The following RBM5 variants were observed in gnomAD, a reference collection of about 807,000 sequenced individuals.
The protein encoded by RBM5 is RNA-binding protein 5.
RBM5 carries 15 observed loss-of-function variants against 124.6 expected under a neutral mutation model. The ratio of observed to expected loss-of-function variants is 0.12; its 90% CI spans 0.08 to 0.19. The LOEUF (loss-of-function observed/expected upper bound fraction) is 0.19. Among genes scored for constraint, RBM5 ranks in the 10% least tolerant of loss-of-function variants. RBM5 has a pLI of 1.00. For missense variants in RBM5, 580 were observed against 1,026.5 expected, an observed-to-expected ratio of 0.57 and a Z score of 5.94; for synonymous variants, 337 against 361.2, an observed-to-expected ratio of 0.93 and a Z score of 0.76.
chr3:50,115,403 T>C, intron 20 of RBM5, 25 bp from the exon 21 acceptor site: 1 of 1,605,312 alleles, frequency 6.2e-7, no homozygotes, highest in South Asian at 1.1e-5. Context: ...ACATTTCCAG[T>C]GACCTGTCCT....
Position 50,100,641 on chromosome 3 carries a change from A to G in RBM5, c.483+36A>G. On this transcript the variant is annotated intron_variant, in intron 6 of 24. Coordinates refer to ENST00000347869, the MANE Select transcript of RBM5 (RefSeq NM_005778.4). This position sits in a 1 kb window ranked among gnomAD's most constrained non-coding sequence, Gnocchi z 5.1. ...TCACCAAGTCTAGATATTCATGAAA[A>G]TGGAACAAGTCTGTACAATTTTAAA... 1 of 1,524,248 alleles carries G rather than the reference A, an allele frequency of 6.6e-7. No homozygotes were observed. Among genetic ancestry groups the G allele is most frequent in the Non-Finnish European group, 9.1e-7 (1 of 1,098,704 alleles). The allele number at this position is 1,524,248 out of a possible 1,614,324, so 94.4% of individuals were successfully genotyped here.
chr3:50,112,414 T>TAAAAAAAAAA (rs58011975), intron 17 of RBM5, among the ~76,000 whole-genome samples: 20 of 88,224 alleles, frequency 2.3e-4, no homozygotes, highest in African/African-American at 9.7e-4. Flanking sequence ...AGACTCTGTC[T>TAAAAAAAAAA]AAAAAAAAAA....
At chr3:50,105,252 C>A (rs1217445292) in intron 9 of RBM5, 110 bp downstream of exon 9, 4 of 914,400 alleles carry the variant, frequency 4.4e-6, no homozygotes, top group African/African-American at 3.4e-5. Context: ...ACTAAAAATA[C>A]AAAAAATTAG....
chr3:50,115,781 G>C lies in RBM5; in HGVS notation c.2020-125G>C, dbSNP rs1415605254. 6.7e-6 allele frequency: 8 copies of C among 1,201,256 alleles called. No homozygotes were observed. The East Asian group carries it at 1.4e-4, about 22-fold the overall frequency. 74.4% of individuals were successfully genotyped at this position (1,201,256 alleles called of 1,614,324 possible). A position where few individuals can be genotyped will look rare whatever the true frequency, so the allele number is the denominator to read the frequency against. ...GCAGCTCCACACACATCAAACTATA[G>C]TTTTTATGTGATTGTGTATTGTTTG... On this transcript the variant is annotated intron_variant, in intron 21 of 24. Coordinates refer to ENST00000347869, the MANE Select transcript of RBM5 (RefSeq NM_005778.4).
chr3:50,113,291 A>G lies in RBM5; in HGVS notation c.1456-92A>G, dbSNP rs1325587707. 3.6e-6 allele frequency: 5 copies of G among 1,370,564 alleles called. No homozygotes were observed. In the African/African-American group the frequency reaches 5.9e-5, roughly 16 times the overall value. The allele number at this position is 1,370,564 out of a possible 1,614,324, so 84.9% of individuals were successfully genotyped here. On this transcript the variant is annotated intron_variant, in intron 17 of 24. Coordinates refer to ENST00000347869, the MANE Select transcript of RBM5 (RefSeq NM_005778.4). ...TCTGGGCAGGAAATATCACTAGTCCACAACATACTTTATCTTTTTTTTGAC... is the reference window on the plus strand; with the variant it reads ...TCTGGGCAGGAAATATCACTAGTCCGCAACATACTTTATCTTTTTTTTGAC...
rs369922395 is a variant in RBM5, at chr3:50,108,296, C to A, written c.1184C>A (p.Ser395Tyr). 1 of 1,606,798 alleles carries A rather than the reference C, an allele frequency of 6.2e-7. No individual in the cohort carries two copies. The change falls in exon 14 of 25, where the codon TCT (serine) becomes TAT (tyrosine). Residue 395 changes from serine to tyrosine, a missense_variant. Ser to Tyr is a moderately radical substitution (Grantham distance 144, BLOSUM62 -2). Transcript: ENST00000347869. ...GGAGGATTGGAATCTGATGCATCATCTGCATCAGGTAGTAAACTTCATCTC... is the reference window on the plus strand; with the variant it reads ...GGAGGATTGGAATCTGATGCATCATATGCATCAGGTAGTAAACTTCATCTC... ...QAGGLESDAS[S>Y]ASGTAVTTTS...
At chr3:50,112,129 G>GC (rs2091156002) in intron 17 of RBM5, 1 of 148,790 alleles carries the variant, frequency 6.7e-6, no homozygotes, top group Non-Finnish European at 1.5e-5. Flanking sequence ...TGTAGGCTGG[G>GC]CGCAGTGGCT....
intron 2 of RBM5, among the ~76,000 whole-genome samples, chr3:50,091,403 G>A (rs2090699032): frequency 6.6e-6 from 1 of 152,162 alleles, no homozygotes; most frequent in African/African-American, 2.4e-5. Context: ...ATAGGTTTAA[G>A]CCTCTTGTTA....
chr3:50,112,641 G>T (rs1450373882), intron 17 of RBM5: 1 of 152,256 alleles, frequency 6.6e-6, no homozygotes, highest in East Asian at 1.9e-4. Flanking sequence ...TACACCCTGT[G>T]TGTGGTTGCC....
chr3:50,118,477 T>C lies in RBM5; in HGVS notation c.*21T>C, dbSNP rs1166701125. ...AGTGAGAGAGAGAGAGAGAGAGAGA[T>C]GACAAGGAGCACAAGAAGTGGTCCA... is the stretch of plus-strand genomic sequence containing the variant. On this transcript the variant is annotated 3_prime_UTR_variant, in exon 25 of 25. Transcript: ENST00000347869. 7 of 1,600,556 alleles carry C rather than the reference T, an allele frequency of 4.4e-6. No individual in the cohort carries two copies. The highest frequency in any genetic ancestry group is 6.0e-6 in the Non-Finnish European group (7 of 1,171,892).
rs568062016 is a variant in RBM5 at position 50,108,410 on chromosome 3, A to G, written c.1192+106A>G. The G allele has an allele frequency of 2.6e-6, 3 of 1,169,568 alleles. No individual in the cohort carries two copies. In the South Asian group the frequency reaches 3.8e-5, roughly 15 times the overall value. 72.4% of individuals were successfully genotyped at this position (1,169,568 alleles called of 1,614,324 possible). A position where few individuals can be genotyped will look rare whatever the true frequency, so the allele number is the denominator to read the frequency against. On this transcript the variant is annotated intron_variant, in intron 14 of 24. Transcript: ENST00000347869. ...AAAAGCTACAAGTCCATTTCTCTGT[A>G]AGATTGTAGGGGGCATGGCCGGGCA...
intron 2 of RBM5, 128 bp downstream of exon 2, chr3:50,090,579 A>T: frequency 9.4e-7 from 1 of 1,059,004 alleles, no homozygotes; most frequent in Non-Finnish European, 1.4e-6. Flanking sequence ...CACCTTTATG[A>T]TCCTGTTGTC....
intron 20 of RBM5, chr3:50,114,736 A>C (rs2091211368): frequency 6.4e-6 from 1 of 156,622 alleles, no homozygotes; most frequent in Non-Finnish European, 1.4e-5. Context: ...ACTCCTAGCT[A>C]CTTGGGATGC....
In RBM5 at chr3:50,117,437, G is replaced by C. The variant is rs113766773; in HGVS notation, c.2322+58G>C. 27 of 1,605,536 alleles carry C rather than the reference G, an allele frequency of 1.7e-5. No homozygotes were observed. The highest frequency in any genetic ancestry group is 1.5e-4 in the African/African-American group (11 of 74,856). The stretch of plus-strand genomic sequence containing the variant: ...AGGCTTACAGGCCGGTTCCAGAGAT[G>C]AGATCAGAGCACTCATAGAGCCTGG... On this transcript the variant is annotated intron_variant, in intron 24 of 24. Transcript: ENST00000347869. This position sits in a 1 kb window ranked among gnomAD's most constrained non-coding sequence, Gnocchi z 4.2.
At position 50,100,524 on chromosome 3, in the gene RBM5, G is replaced by C; in HGVS notation, c.410-8G>C. On this transcript the variant is annotated splice_region_variant and splice_polypyrimidine_tract_variant and intron_variant, in intron 5 of 24. Coordinates refer to ENST00000347869, the MANE Select transcript of RBM5 (RefSeq NM_005778.4). The surrounding 1 kb of genome is among the most constrained non-coding windows in gnomAD (Gnocchi z 5.1). Reference sequence around the variant, plus strand: ...AGTATCCCGTCTATATCTGAATGCTGTCTCTAGGTGTAAGCCGTGGTTTCG... The same window carrying C: ...AGTATCCCGTCTATATCTGAATGCTCTCTCTAGGTGTAAGCCGTGGTTTCG... The C allele has an allele frequency of 6.2e-7, 1 of 1,604,194 alleles. No homozygotes were observed. The highest frequency in any genetic ancestry group is 8.5e-7 in the Non-Finnish European group (1 of 1,171,190).
Position 50,105,134 on chromosome 3 carries a change from A to G in RBM5, c.686A>G (p.Tyr229Cys). The G allele has an allele frequency of 6.3e-7, 1 of 1,590,396 alleles. No individual in the cohort carries two copies. The highest frequency in any genetic ancestry group is 2.2e-5 in the East Asian group (1 of 44,624). Reference sequence around the variant, plus strand: ...GAGTCGGTTCAGTCTGTGGATTACTACTGTGATAGTAAGTTCATACACGAT... The same window carrying G: ...GAGTCGGTTCAGTCTGTGGATTACTGCTGTGATAGTAAGTTCATACACGAT... Reference protein sequence around the residue: ...TTESVQSVDYYCDTIILRNIA... With the variant: ...TTESVQSVDYCCDTIILRNIA... Residue 229 changes from tyrosine (Y) to cysteine (C), a missense_variant, in exon 9 of 25, where the codon TAC becomes TGC. Physicochemically the swap from Tyr to Cys is radical, Grantham distance 194 (BLOSUM62 -2). Transcript: ENST00000347869.
chr3:50,089,444 T>C (rs2090660712), intron 1 of RBM5, among the ~76,000 whole-genome samples: 1 of 152,164 alleles, frequency 6.6e-6, no homozygotes, highest in Admixed American at 6.5e-5. Context: ...GTTTGGAACC[T>C]CTTGGGAGGC....
chr3:50,107,216 C>CT (rs1165814003), intron 11 of RBM5: 4 of 604,766 alleles, frequency 6.6e-6, no homozygotes, highest in African/African-American at 5.5e-5. Flanking sequence ...GTGCTTAACT[C>CT]TAACACGGTA....
chr3:50,110,974 A>G, intron 17 of RBM5: 1 of 546,152 alleles, frequency 1.8e-6, no homozygotes. Flanking sequence ...TATAATATAC[A>G]CACAAAAAAA....
Sources: gnomAD v4.1 joint callset for allele counts (sites outside exome capture counted in the v4.1 genomes callset) on GRCh38, gnomAD v4.1.1 for gene constraint, Gnocchi (gnomAD v3.1) non-coding constraint, MANE v1.5 for transcripts, NCBI Gene and HGNC (gene_info 2026-07-23, HGNC 2026-07-21) for gene names.